Variants in AGPAT5 observed in about 807,000 individuals in gnomAD.
AGPAT5 encodes 1-acylglycerol-3-phosphate O-acyltransferase 5.
Under a neutral mutation model 45.6 loss-of-function variants are expected in AGPAT5, and 46 were observed. The ratio of observed to expected loss-of-function variants is 1.01; its 90% CI spans 0.80 to 1.29. The LOEUF is 1.29. Ranked by LOEUF, AGPAT5 falls within the 50% of genes most tolerant of loss-of-function variation. The probability of loss-of-function intolerance (pLI) is 0.00; values close to 1 mark genes in which losing one functional copy is unlikely to be tolerated. For missense variants in AGPAT5, 673 were observed against 450.7 expected (o/e 1.49, Z -4.47); for synonymous variants, 272 against 167.0 (o/e 1.63, Z -4.85).
At chr8:6,753,732 A>T (rs965562097) in intron 6 of AGPAT5, among the ~76,000 whole-genome samples, 4 of 152,240 alleles carry the variant, frequency 2.6e-5, no homozygotes, top group Admixed American at 1.3e-4. Flanking sequence ...GATTATTCAG[A>T]TGATAGTACT....
In AGPAT5 at chr8:6,760,923, G is replaced by C. The variant is rs867833190; in HGVS notation, c.*3535G>C. 6.6e-6 allele frequency among the ~76,000 whole-genome samples: 1 copy of C among 152,096 alleles called. No individual in the cohort carries two copies. The highest frequency in any genetic ancestry group is 1.9e-4 in the East Asian group (1 of 5,204). ...AACCTTCAACTATTATGAAGTGCTC[G>C]TCTGTACAATCGCTAATTTACTCAG... is the stretch of plus-strand genomic sequence containing the variant. On this transcript the variant is annotated 3_prime_UTR_variant, in exon 8 of 8. Coordinates refer to ENST00000285518, the MANE Select transcript of AGPAT5 (RefSeq NM_018361.5).
chr8:6,717,469 A>G (rs150037594), intron 1 of AGPAT5, among the ~76,000 whole-genome samples: 463 of 152,348 alleles, frequency 3.0e-3, no homozygotes, highest in African/African-American at 0.01. Context: ...AATGTTCTAG[A>G]CTGACAAAAT....
rs372729690 is a variant in AGPAT5, at chr8:6,749,726, C to T, written c.745+1898C>T. ...AAAACAGACAGTTCATCAAGATTGTCGTTGGTTTATTAAACATAGTTTAAG... is the reference window on the plus strand; with the variant it reads ...AAAACAGACAGTTCATCAAGATTGTTGTTGGTTTATTAAACATAGTTTAAG... On this transcript the variant is annotated intron_variant, in intron 6 of 7. Transcript: ENST00000285518. Among the ~76,000 whole-genome samples the T allele has an allele frequency of 2.8e-4, 43 of 152,248 alleles. No homozygotes were observed. In the East Asian group the frequency reaches 6.4e-3, roughly 23 times the overall value.
chr8:6,732,359 GT>G (rs903735796), intron 3 of AGPAT5, among the ~76,000 whole-genome samples: 1 of 152,152 alleles, frequency 6.6e-6, no homozygotes, highest in Non-Finnish European at 1.5e-5. Flanking sequence ...GTCACATGCA[GT>G]TTTTTTGAAT....
intron 1 of AGPAT5, among the ~76,000 whole-genome samples, chr8:6,721,237 T>C (rs1247162078): frequency 5.3e-5 from 8 of 152,226 alleles, no homozygotes; most frequent in Non-Finnish European, 7.3e-5. Flanking sequence ...GGTAATATAT[T>C]TCGTTGGCAT....
intron 4 of AGPAT5, among the ~76,000 whole-genome samples, chr8:6,733,343 C>G (rs1481684360): frequency 6.6e-6 from 1 of 152,176 alleles, no homozygotes; most frequent in Non-Finnish European, 1.5e-5. Flanking sequence ...GTCTTCCCTC[C>G]TCTCCTCCTG....
In AGPAT5 at chr8:6,747,748, T is replaced by G; in HGVS notation, c.665T>G (p.Leu222Ter). 1 of 1,614,200 alleles carries G rather than the reference T, an allele frequency of 6.2e-7. No homozygotes were observed. The highest frequency in any genetic ancestry group is 8.5e-7 in the Non-Finnish European group (1 of 1,180,036). ...HVAFDCMKNYLDAIYDVTVVY... is the reference protein window; with the variant it reads ...HVAFDCMKNY Reference sequence around the variant, plus strand: ...GCTTTTGATTGCATGAAGAATTATTTAGATGCAATTTATGATGTTACGGTG... The same window carrying G: ...GCTTTTGATTGCATGAAGAATTATTGAGATGCAATTTATGATGTTACGGTG... Residue 222 changes from leucine to a stop codon, truncating the protein, a stop_gained, in exon 6 of 8, where the codon TTA becomes TGA. Coordinates refer to ENST00000285518, the MANE Select transcript of AGPAT5 (RefSeq NM_018361.5). LOFTEE classifies it high-confidence loss of function.
intron 1 of AGPAT5, among the ~76,000 whole-genome samples, chr8:6,724,059 T>C (rs1329275196): frequency 6.6e-6 from 1 of 152,230 alleles, no homozygotes; most frequent in Non-Finnish European, 1.5e-5. Context: ...GAAAAATTTA[T>C]TCTAAAATAT....
chr8:6,720,657 A>C (rs2980691), intron 1 of AGPAT5, among the ~76,000 whole-genome samples: 9,278 of 152,202 alleles, frequency 0.061, 364 homozygotes, highest in African/African-American at 0.11. Flanking sequence ...ACCAAGAGAA[A>C]AATTAGAGAG....
intron 1 of AGPAT5, among the ~76,000 whole-genome samples, chr8:6,710,830 C>T (rs925908256): frequency 2.0e-5 from 3 of 152,110 alleles, no homozygotes; most frequent in African/African-American, 7.2e-5. Flanking sequence ...TATTTTTTAC[C>T]TGTGACTTTG....
chr8:6,714,211 T>G (rs1800247695), intron 1 of AGPAT5, among the ~76,000 whole-genome samples: 1 of 152,248 alleles, frequency 6.6e-6, no homozygotes, highest in Admixed American at 6.5e-5. Context: ...TATTTGCCAT[T>G]CATGTGAAGA....
chr8:6,726,444 A>G lies in AGPAT5; in HGVS notation c.289+1505A>G, dbSNP rs185688686. Among the ~76,000 whole-genome samples, 22 of 152,316 alleles carry G rather than the reference A, an allele frequency of 1.4e-4. No homozygotes were observed. The East Asian group carries it at 1.5e-3, about 11-fold the overall frequency. ...GCCAGCTTTTCTTTGTCCAGGTTTC[A>G]GTATGAACTCCACTCGATTAATAGA... is the stretch of plus-strand genomic sequence containing the variant. On this transcript the variant is annotated intron_variant, in intron 2 of 7. Transcript: ENST00000285518.
chr8:6,756,124 T>G (rs1360268397), intron 7 of AGPAT5, among the ~76,000 whole-genome samples: 2 of 152,238 alleles, frequency 1.3e-5, no homozygotes, highest in Non-Finnish European at 2.9e-5. Flanking sequence ...GTGTTTTAGA[T>G]TATTATATCG....
rs568735870 is a variant in AGPAT5 at position 6,754,258 on chromosome 8, G to C, written c.746-793G>C. On this transcript the variant is annotated intron_variant, in intron 6 of 7. Transcript: ENST00000285518. Reference sequence around the variant, plus strand: ...TGTGCAATCGAGGCTGAAAAAGACTGTCTCCTTTTTTCAAATAAGCAAGTC... The same window carrying C: ...TGTGCAATCGAGGCTGAAAAAGACTCTCTCCTTTTTTCAAATAAGCAAGTC... 3.3e-5 allele frequency among the ~76,000 whole-genome samples: 5 copies of C among 152,254 alleles called. No individual in the cohort carries two copies. In the South Asian group the frequency reaches 1.0e-3, roughly 32 times the overall value.
At chr8:6,725,979 A>G (rs533765499) in intron 2 of AGPAT5, among the ~76,000 whole-genome samples, 4 of 152,302 alleles carry the variant, frequency 2.6e-5, no homozygotes, top group East Asian at 1.9e-4. Flanking sequence ...ATTTTTCTCA[A>G]TTTAGTGAAT....
At chr8:6,755,210 G>A (rs376372622) in intron 7 of AGPAT5, 36 bp downstream of exon 7, 80 of 1,579,074 alleles carry the variant, frequency 5.1e-5, no homozygotes, top group Admixed American at 2.9e-4. Context: ...CCGGAACTTC[G>A]GTTCAACTAG....
At chr8:6,713,781 G>A (rs1371892328) in intron 1 of AGPAT5, among the ~76,000 whole-genome samples, 3 of 152,036 alleles carry the variant, frequency 2.0e-5, no homozygotes, top group African/African-American at 7.3e-5. Context: ...TGCCCAGTCT[G>A]GTTTTGAGCT....
In AGPAT5 at chr8:6,722,687, G is replaced by C. The variant is rs115493069; in HGVS notation, c.220-2183G>C. Among the ~76,000 whole-genome samples the C allele has an allele frequency of 9.1e-3, 1,383 of 152,296 alleles. 24 individuals are homozygous for C. The highest frequency in any genetic ancestry group is 0.03 in the African/African-American group (1,265 of 41,560). ...GTGAAACTGGTCCGCATCTAATTCA[G>C]GCCTTCTCCTGAAAGCCAGTGTGTG... On this transcript the variant is annotated intron_variant, in intron 1 of 7. Coordinates refer to ENST00000285518, the MANE Select transcript of AGPAT5 (RefSeq NM_018361.5).
rs768777713 is a variant in AGPAT5, at chr8:6,737,178, G to A, written c.496-4483G>A. 4.6e-5 allele frequency among the ~76,000 whole-genome samples: 7 copies of A among 152,282 alleles called. No homozygotes were observed. The East Asian group carries it at 9.6e-4, about 21-fold the overall frequency. ...AACAGACTGGCAGGTTCAAGAGGCC[G>A]TGCTGAGCAGCTTTCACTGTAAGGT... is the stretch of plus-strand genomic sequence containing the variant. On this transcript the variant is annotated intron_variant, in intron 4 of 7. Coordinates refer to ENST00000285518, the MANE Select transcript of AGPAT5 (RefSeq NM_018361.5).
Sources: gnomAD v4.1 joint callset for allele counts (sites outside exome capture counted in the v4.1 genomes callset) on GRCh38, gnomAD v4.1.1 for gene constraint, MANE v1.5 for transcripts, NCBI Gene and HGNC (gene_info 2026-07-23, HGNC 2026-07-21) for gene names.